The following EDA2R variants were observed in gnomAD, a reference collection of about 807,000 sequenced individuals.
The protein encoded by EDA2R is tumor necrosis factor receptor superfamily member 27.
A neutral mutation model predicts 20.1 loss-of-function variants in EDA2R; 26 were observed. The observed-to-expected ratio is 1.30, with a 90% CI of 0.95 to 1.80. The LOEUF (loss-of-function observed/expected upper bound fraction) is 1.80, where lower values mean the gene tolerates loss of function less well. Ranked by LOEUF, EDA2R falls within the 40% of genes most tolerant of loss-of-function variation. EDA2R has a pLI of 0.00. For missense variants in EDA2R, 277 were observed against 228.7 expected (o/e 1.21, Z -1.36); for synonymous variants, 114 against 88.7 (o/e 1.29, Z -1.60).
rs757718446 is a variant in EDA2R at position 66,610,211 on chromosome X, C to T, written c.88-4985G>A. On this transcript the variant is annotated intron_variant, in intron 2 of 6. Transcript: ENST00000374719. ...TTATGAGAAACTAAACATATATTCA[C>T]AGAAAAAGAAACACAAACAGCTCTT... Among the ~76,000 whole-genome samples, 4 of 107,836 alleles carry T rather than the reference C, an allele frequency of 3.7e-5. No homozygotes were observed. In the East Asian group the frequency reaches 1.2e-3, roughly 32 times the overall value. 93.6% of individuals were successfully genotyped at this position (107,836 alleles called of 115,157 possible). A position where few individuals can be genotyped will look rare whatever the true frequency, so the allele number is the denominator to read the frequency against.
intron 2 of EDA2R, among the ~76,000 whole-genome samples, chrX:66,605,537 C>G (rs1009395415): frequency 2.7e-5 from 3 of 112,212 alleles, no homozygotes; most frequent in African/African-American, 9.7e-5. Context: ...AAGTTTATTT[C>G]TCACTCATCA....
rs200268345 is a variant in EDA2R at position 66,604,498 on chromosome X, C to A, written c.275G>T (p.Arg92Leu). 8.3e-7 allele frequency: 1 copy of A among 1,207,188 alleles called. No individual in the cohort carries two copies. Among genetic ancestry groups the A allele is most frequent in the Non-Finnish European group, 1.1e-6 (1 of 892,844 alleles). Residue 92 changes from arginine to leucine, a missense_variant, in exon 4 of 7, where the codon CGA becomes CTA. Transcript: ENST00000374719. Reference sequence around the variant, plus strand: ...CTGCAGGCCTCCAATGCGTGTCTTTCGGTAGAACCTGTGTTCAGAGCAATT... The same window carrying A: ...CTGCAGGCCTCCAATGCGTGTCTTTAGGTAGAACCTGTGTTCAGAGCAATT... ...VCGDCLPRFYRKTRIGGLQDQ... is the reference protein window; with the variant it reads ...VCGDCLPRFYLKTRIGGLQDQ...
intron 1 of EDA2R, among the ~76,000 whole-genome samples, chrX:66,617,847 C>T (rs766663529): frequency 9.8e-6 from 1 of 101,903 alleles, no homozygotes; most frequent in South Asian, 5.3e-4. Context: ...CCCTCCCTTC[C>T]TTCCTTCCTT....
chrX:66,617,870 C>T (rs1931982779), intron 1 of EDA2R, among the ~76,000 whole-genome samples: 1 of 94,896 alleles, frequency 1.1e-5, no homozygotes, highest in African/African-American at 3.9e-5. Flanking sequence ...TTCCTTCCTT[C>T]CTTTCCTCCT....
At chrX:66,601,697 T>C (rs1203942279) in intron 5 of EDA2R, among the ~76,000 whole-genome samples, 1 of 111,236 alleles carries the variant, frequency 9.0e-6, no homozygotes, top group Non-Finnish European at 1.9e-5. Context: ...ATCAACTTCA[T>C]TCTCTGATCT....
chrX:66,604,439 G>A lies in EDA2R; in HGVS notation c.334C>T (p.Pro112Ser), dbSNP rs12837393. Residue 112 changes from proline (P) to serine (S), a missense_variant, in exon 4 of 7, where the codon CCC (proline) becomes TCC (serine). Coordinates refer to ENST00000374719, the MANE Select transcript of EDA2R (RefSeq NM_021783.5). The part of the protein sequence containing the change: ...QECIPCTKQT[P>S]TSEVQCAFQL... Reference sequence around the variant, plus strand: ...TACACACATTGAACCTCAGAGGTGGGGGTCTGCTTCGTGCACGGGATGCAC... The same window carrying A: ...TACACACATTGAACCTCAGAGGTGGAGGTCTGCTTCGTGCACGGGATGCAC... 4,674 of 1,206,820 alleles carry A rather than the reference G, an allele frequency of 3.9e-3. 11 individuals are homozygous for A. The highest frequency in any genetic ancestry group is 4.8e-3 in the Non-Finnish European group (4,323 of 893,446).
chrX:66,634,500 T>G (rs1934144210), intron 1 of EDA2R, among the ~76,000 whole-genome samples: 2 of 107,749 alleles, frequency 1.9e-5, no homozygotes, highest in African/African-American at 3.4e-5. Flanking sequence ...CCATCATTTG[T>G]TTTTTTTTTC....
Position 66,599,878 on chromosome X carries a change from A to G in EDA2R, c.518-18T>C. On this transcript the variant is annotated intron_variant, in intron 5 of 6. Coordinates refer to ENST00000374719, the MANE Select transcript of EDA2R (RefSeq NM_021783.5). The stretch of plus-strand genomic sequence containing the variant: ...CAAACCTCCTGCAACTCGAAGCAGA[A>G]AGCCACTGGGTTACCCAAAAGCAGG... The G allele has an allele frequency of 1.7e-6, 2 of 1,196,352 alleles. No homozygotes were observed. Among genetic ancestry groups the G allele is most frequent in the Non-Finnish European group, 2.3e-6 (2 of 888,144 alleles).
At chrX:66,631,031 ACATGTG>A (rs1361550566) in intron 1 of EDA2R, among the ~76,000 whole-genome samples, 1 of 109,615 alleles carries the variant, frequency 9.1e-6, no homozygotes, top group Non-Finnish European at 1.9e-5. Context: ...ATATACACAC[ACATGTG>A]TGTATATGTA....
intron 6 of EDA2R, among the ~76,000 whole-genome samples, chrX:66,598,961 C>A (rs1291453179): frequency 1.8e-5 from 2 of 111,661 alleles, no homozygotes; most frequent in Non-Finnish European, 3.8e-5. Flanking sequence ...ACAGTTCTAG[C>A]CCACTAATTT....
At chrX:66,631,020 C>CATATACACACACATGTGTGTATATGTAT (rs759605258) in intron 1 of EDA2R, among the ~76,000 whole-genome samples, 1 of 108,623 alleles carries the variant, frequency 9.2e-6, no homozygotes, top group Non-Finnish European at 1.9e-5. Context: ...TGTATATATA[C>CATATACACACACATGTGTGTATATGTAT]ATATACACAC....
At chrX:66,621,168 T>C (rs1602279227) in intron 1 of EDA2R, among the ~76,000 whole-genome samples, 1 of 110,294 alleles carries the variant, frequency 9.1e-6, no homozygotes, top group African/African-American at 3.3e-5. Context: ...TCCCAGCTAC[T>C]TGGGAGGCTG....
intron 1 of EDA2R, among the ~76,000 whole-genome samples, chrX:66,623,940 T>G (rs193148543): frequency 1.4e-4 from 16 of 112,562 alleles, no homozygotes; most frequent in Non-Finnish European, 2.6e-4. Context: ...ATCATAAATC[T>G]TATGTACTTT....
Position 66,636,966 on chromosome X carries a change from A to ACC in EDA2R, c.-11+2027_-11+2028dup, listed in dbSNP as rs201465653. Among the ~76,000 whole-genome samples the ACC allele has an allele frequency of 8.0e-3, 871 of 108,330 alleles. 33 individuals carry two copies. Among genetic ancestry groups the ACC allele is most frequent in the Admixed American group, 0.071 (710 of 9,997 alleles). The allele number at this position is 108,330 out of a possible 115,157, so 94.1% of individuals were successfully genotyped here. Reference sequence around the variant, plus strand: ...CACACACACACACACACACACACACACCCCACATACTTCTAAATGTCTTGT... The same window carrying ACC: ...CACACACACACACACACACACACACACCCCCCACATACTTCTAAATGTCTTGT... On this transcript the variant is annotated intron_variant, in intron 1 of 6. Transcript: ENST00000374719.
At chrX:66,606,040 G>A in intron 2 of EDA2R, among the ~76,000 whole-genome samples, 1 of 111,428 alleles carries the variant, frequency 9.0e-6, no homozygotes, top group East Asian at 2.8e-4. Context: ...CCGACCCCCA[G>A]TTTCTGGGCA....
At chrX:66,616,186 G>A (rs771702114) in intron 1 of EDA2R, among the ~76,000 whole-genome samples, 156 bp from the exon 2 acceptor site, 1 of 112,578 alleles carries the variant, frequency 8.9e-6, no homozygotes. Flanking sequence ...TGCTTATGTA[G>A]CTCTGACCAT....
intron 1 of EDA2R, among the ~76,000 whole-genome samples, chrX:66,636,497 A>T (rs935064516): frequency 9.9e-5 from 11 of 110,652 alleles, no homozygotes; most frequent in Non-Finnish European, 9.4e-5. Flanking sequence ...CCTCAGGGAG[A>T]ATGACTAGGA....
chrX:66,621,388 C>A (rs1177746781), intron 1 of EDA2R, among the ~76,000 whole-genome samples: 1 of 112,128 alleles, frequency 8.9e-6, no homozygotes, highest in Non-Finnish European at 1.9e-5. Context: ...CCAGCAATTT[C>A]ACTCCTAAGT....
In EDA2R at chrX:66,599,506, G is replaced by A; in HGVS notation, c.872C>T (p.Pro291Leu). The A allele has an allele frequency of 8.5e-7, 1 of 1,169,832 alleles. No homozygotes were observed. Among genetic ancestry groups the A allele is most frequent in the South Asian group, 1.9e-5 (1 of 51,907 alleles). Residue 291 changes from proline to leucine, a missense_variant, in exon 6 of 7, where the codon CCC becomes CTC. Physicochemically the swap from Pro to Leu is moderately conservative, Grantham distance 98 (BLOSUM62 -3). Transcript: ENST00000374719. ...STGDRLELNV[P>L]FEVPSP Reference sequence around the variant, plus strand: ...GAGTTAAGGGCTGGGAACTTCAAAGGGCACATTGAGCTCCAGCCTGTCTCC... The same window carrying A: ...GAGTTAAGGGCTGGGAACTTCAAAGAGCACATTGAGCTCCAGCCTGTCTCC...
Sources: gnomAD v4.1 joint callset for allele counts (sites outside exome capture counted in the v4.1 genomes callset) on GRCh38, gnomAD v4.1.1 for gene constraint, MANE v1.5 for transcripts, NCBI Gene and HGNC (gene_info 2026-07-23, HGNC 2026-07-21) for gene names.